PAH: variants seen among roughly 807,000 people sequenced by gnomAD.
The protein encoded by PAH is phenylalanine-4-hydroxylase.
In PAH, 64 loss-of-function variants were observed where a neutral mutation model predicts 62.0. The observed-to-expected ratio is 1.03, with a 90% CI of 0.84 to 1.27. PAH has a LOEUF of 1.27. Among genes scored for constraint, PAH ranks in the 50% most tolerant of loss-of-function variants. PAH has a pLI of 0.00. For missense variants in PAH, 579 were observed against 542.8 expected, an observed-to-expected ratio of 1.07 and a Z score of -0.66; for synonymous variants, 195 against 196.2, an observed-to-expected ratio of 0.99 and a Z score of 0.05.
chr12:102,895,869 A>AAAAAAAAAAAATATATAT (rs953209518), intron 2 of PAH, among the ~76,000 whole-genome samples: 1 of 118,744 alleles, frequency 8.4e-6, no homozygotes, highest in African/African-American at 3.6e-5. Context: ...AAAAAAAAAA[A>AAAAAAAAAAAATATATAT]ATATATATAT....
intron 3 of PAH, among the ~76,000 whole-genome samples, chr12:102,880,799 C>A (rs2136683440): frequency 6.6e-6 from 1 of 151,950 alleles, no homozygotes. Flanking sequence ...TCAGGAAATT[C>A]TTGAAGAAGA....
At chr12:102,918,567 TTTG>T (rs1878474331), upstream of PAH, among the ~76,000 whole-genome samples, 1 of 120,806 alleles carries the variant, frequency 8.3e-6, no homozygotes, top group Admixed American at 9.1e-5. Context: ...TCAGTTTTTT[TTTG>T]TTTTTTTTTT....
At chr12:102,881,566 C>T (rs1259465817) in intron 3 of PAH, among the ~76,000 whole-genome samples, 9 of 152,144 alleles carry the variant, frequency 5.9e-5, no homozygotes, top group Admixed American at 4.6e-4. Flanking sequence ...CCCCCCAGTA[C>T]TTGCTCATCT....
chr12:102,954,216 C>T (rs1043022248), upstream of PAH, among the ~76,000 whole-genome samples: 2 of 152,168 alleles, frequency 1.3e-5, no homozygotes, highest in Non-Finnish European at 2.9e-5. Flanking sequence ...GTCTAAAAAT[C>T]GGGTTACTAT....
chr12:102,895,869 A>AAATATATAT (rs953209518), intron 2 of PAH, among the ~76,000 whole-genome samples: 19 of 118,708 alleles, frequency 1.6e-4, no homozygotes, highest in African/African-American at 3.6e-4. Context: ...AAAAAAAAAA[A>AAATATATAT]ATATATATAT....
At position 102,858,595 on chromosome 12, in the gene PAH, T is replaced by G. The variant is rs369341827; in HGVS notation, c.510-3263A>C. 2.7e-3 allele frequency among the ~76,000 whole-genome samples: 407 copies of G among 152,300 alleles called. 3 individuals carry two copies. In the South Asian group the frequency reaches 0.041, roughly 15 times the overall value. On this transcript the variant is annotated intron_variant, in intron 5 of 12. Coordinates refer to ENST00000553106, the MANE Select transcript of PAH (RefSeq NM_000277.3). ...GAAGTAAAGCACTCCTCAGCAAATG[T>G]GAAAGAACAGAAAATATAACAAACT...
chr12:102,944,865 C>T (rs577489435), intron 1 of PAH, among the ~76,000 whole-genome samples: 2 of 152,312 alleles, frequency 1.3e-5, no homozygotes, highest in South Asian at 4.1e-4. Flanking sequence ...ATATAGTTCT[C>T]ACCATCTGGG....
intron 2 of PAH, among the ~76,000 whole-genome samples, chr12:102,904,563 T>C (rs1347090043): frequency 6.6e-6 from 1 of 152,224 alleles, no homozygotes; most frequent in African/African-American, 2.4e-5. Context: ...TAATGACCCT[T>C]GGAATTCTTT....
rs201245932 is a variant in PAH, at chr12:102,855,174, T to C, written c.668A>G (p.Asn223Ser). ...LEKYCGFHED[N>S]IPQLEDVSQF... ...AGAAACGTCTTCCAGCTGGGGAATG[T>C]TATCTTCATGGAAGCCACAGTACTT... Residue 223 changes from asparagine (N) to serine (S), a missense_variant, in exon 6 of 13, where the codon AAC becomes AGC. By Grantham distance (46) the Asn-to-Ser change is conservative. Transcript: ENST00000553106. 9.4e-5 allele frequency: 152 copies of C among 1,614,070 alleles called. No individual in the cohort carries two copies. The highest frequency in any genetic ancestry group is 1.2e-4 in the Non-Finnish European group (147 of 1,180,014).
At chr12:102,914,015 C>A in intron 1 of PAH, 1 of 570,970 alleles carries the variant, frequency 1.8e-6, no homozygotes, top group Non-Finnish European at 3.1e-6. Context: ...TACATCATCT[C>A]AATGAGAGAA....
chr12:102,856,142 T>C (rs1413793409), intron 5 of PAH, among the ~76,000 whole-genome samples: 2 of 150,494 alleles, frequency 1.3e-5, no homozygotes, highest in African/African-American at 5.0e-5. Context: ...AGAAAATAAA[T>C]ATATAAATCC....
upstream of PAH, among the ~76,000 whole-genome samples, chr12:102,922,115 A>G (rs940200035): frequency 6.6e-5 from 10 of 151,588 alleles, no homozygotes; most frequent in African/African-American, 2.4e-4. Flanking sequence ...GCAAATATTT[A>G]TGATAGTGTA....
chr12:102,849,915 T>A (rs1402601268), intron 8 of PAH, among the ~76,000 whole-genome samples: 2 of 152,216 alleles, frequency 1.3e-5, no homozygotes, highest in African/African-American at 4.8e-5. Context: ...ACTGTCCAGA[T>A]CAAAGTTGGA....
upstream of PAH, chr12:102,917,248 A>G: frequency 1.2e-6 from 1 of 853,822 alleles, no homozygotes; most frequent in Non-Finnish European, 2.0e-6. Context: ...AGAGAGTTAC[A>G]AAGGGTGTCT....
chr12:102,841,378 G>A (rs971363457), intron 11 of PAH, among the ~76,000 whole-genome samples: 7 of 152,090 alleles, frequency 4.6e-5, no homozygotes, highest in Admixed American at 1.3e-4. Flanking sequence ...ACAATGTTAC[G>A]GGAGACAGTA....
chr12:102,895,020 G>A (rs943541718), intron 2 of PAH, 102 bp from the exon 3 acceptor site: 3 of 849,960 alleles, frequency 3.5e-6, no homozygotes, highest in South Asian at 1.4e-5. Flanking sequence ...AAAATGGAGA[G>A]TTCAAGAATA....
intron 1 of PAH, among the ~76,000 whole-genome samples, chr12:102,947,096 G>GATTT (rs1879528602): frequency 6.6e-6 from 1 of 152,050 alleles, no homozygotes; most frequent in Non-Finnish European, 1.5e-5. Context: ...GTAATAGGGA[G>GATTT]GAAGAAAATG....
At chr12:102,856,352 G>A (rs998160043) in intron 5 of PAH, among the ~76,000 whole-genome samples, 3 of 152,156 alleles carry the variant, frequency 2.0e-5, no homozygotes, top group Admixed American at 6.5e-5. Context: ...AAACTGGGTG[G>A]AGCCCACCAC....
At chr12:102,928,924 T>A (rs1878764076) in intron 1 of PAH, among the ~76,000 whole-genome samples, 1 of 152,194 alleles carries the variant, frequency 6.6e-6, no homozygotes. Context: ...TATGTTTCTT[T>A]TAGCAAATGG....
Sources: gnomAD v4.1 joint callset for allele counts (sites outside exome capture counted in the v4.1 genomes callset) on GRCh38, gnomAD v4.1.1 for gene constraint, MANE v1.5 for transcripts, NCBI Gene and HGNC (gene_info 2026-07-23, HGNC 2026-07-21) for gene names.